Variants in RBM18 observed in about 807,000 individuals in gnomAD.
RBM18 encodes the protein probable RNA-binding protein 18.
In RBM18, 18 loss-of-function variants were observed where a neutral mutation model predicts 26.4. The ratio of observed to expected loss-of-function variants is 0.68; its 90% CI spans 0.47 to 1.01. The LOEUF (loss-of-function observed/expected upper bound fraction) is 1.01. Ranked by LOEUF, RBM18 falls within the 50% of genes least tolerant of loss-of-function variation. The pLI, the probability that RBM18 is intolerant of heterozygous loss-of-function variation, is 0.00. For missense variants in RBM18, 180 were observed against 219.2 expected, an observed-to-expected ratio of 0.82 and a Z score of 1.13; for synonymous variants, 74 against 81.1, an observed-to-expected ratio of 0.91 and a Z score of 0.47.
rs1480797498 is a variant in RBM18, at chr9:122,245,266, A to G, written c.403T>C (p.Ser135Pro). Residue 135 changes from serine to proline, a missense_variant, in exon 5 of 6, where the codon TCT becomes CCT. Ser to Pro is a moderately conservative substitution (Grantham distance 74). Transcript: ENST00000417201. ...EPSSSTEPTQ[S>P]NLSVTAKIKA... ...AGTACATCATCTTACCTTAGGTTAG[A>G]CTGAGTAGGCTCAGTGCTTGAGGAT... 2 of 1,596,290 alleles carry G rather than the reference A, an allele frequency of 1.3e-6. No individual in the cohort carries two copies. The highest frequency in any genetic ancestry group is 1.1e-5 in the South Asian group (1 of 90,632).
rs1249469761 is a variant in RBM18, at chr9:122,241,816, A to G, written c.*68T>C. ...TGAATAGTACCATTCACATCTACAAAGTACACAGGCAGACGATTTTAGGTG... is the reference window on the plus strand; with the variant it reads ...TGAATAGTACCATTCACATCTACAAGGTACACAGGCAGACGATTTTAGGTG... On this transcript the variant is annotated 3_prime_UTR_variant, in exon 6 of 6. Transcript: ENST00000417201. The G allele has an allele frequency of 2.2e-6, 3 of 1,384,202 alleles. No homozygotes were observed. Among genetic ancestry groups the G allele is most frequent in the East Asian group, 2.3e-5 (1 of 43,620 alleles). 85.7% of individuals were successfully genotyped at this position (1,384,202 alleles called of 1,614,324 possible).
At chr9:122,247,073 G>A (rs1026009781) in intron 4 of RBM18, among the ~76,000 whole-genome samples, 6 of 152,124 alleles carry the variant, frequency 3.9e-5, no homozygotes, top group Admixed American at 6.5e-5. Context: ...CTGGAGTAAG[G>A]AGATGCCAGT....
chr9:122,241,162 T>C lies in RBM18; in HGVS notation c.*722A>G, dbSNP rs1831409535. Reference sequence around the variant, plus strand: ...CATGGTTATTTAGATTTGAAAAAAATGGTTGCTATAGAATAAAAGTTCAAT... The same window carrying C: ...CATGGTTATTTAGATTTGAAAAAAACGGTTGCTATAGAATAAAAGTTCAAT... On this transcript the variant is annotated 3_prime_UTR_variant, in exon 6 of 6. Coordinates refer to ENST00000417201, the MANE Select transcript of RBM18 (RefSeq NM_033117.4). 1 of 152,190 alleles carries C rather than the reference T, an allele frequency of 6.6e-6. No individual in the cohort carries two copies. Among genetic ancestry groups the C allele is most frequent in the Admixed American group, 6.5e-5 (1 of 15,276 alleles). 9.4% of individuals were successfully genotyped at this position (152,190 alleles called of 1,614,324 possible). A position where few individuals can be genotyped will look rare whatever the true frequency, so the allele number is the denominator to read the frequency against.
At chr9:122,243,774 T>C (rs1302943998) in intron 5 of RBM18, 18 of 985,312 alleles carry the variant, frequency 1.8e-5, no homozygotes, top group Middle Eastern at 5.2e-4. Flanking sequence ...CTTCCATTAA[T>C]GCCACAGCTG....
rs1463221662 is a variant in RBM18, at chr9:122,241,868, C to T, written c.*16G>A. 2 of 1,609,914 alleles carry T rather than the reference C, an allele frequency of 1.2e-6. No homozygotes were observed. The highest frequency in any genetic ancestry group is 1.3e-5 in the African/African-American group (1 of 74,716). On this transcript the variant is annotated 3_prime_UTR_variant, in exon 6 of 6. Coordinates refer to ENST00000417201, the MANE Select transcript of RBM18 (RefSeq NM_033117.4). ...GGAGACCAATTTGCTTTTGCTGCTACAGTAATTCACAACCATCATCTTCGA... is the reference window on the plus strand; with the variant it reads ...GGAGACCAATTTGCTTTTGCTGCTATAGTAATTCACAACCATCATCTTCGA...
chr9:122,247,751 G>T, intron 3 of RBM18, 147 bp from the exon 4 acceptor site: 1 of 631,240 alleles, frequency 1.6e-6, no homozygotes, highest in Non-Finnish European at 2.8e-6. Flanking sequence ...AATTTTACAA[G>T]GCAGAATTTT....
chr9:122,242,650 T>C (rs1402592096), intron 5 of RBM18, among the ~76,000 whole-genome samples: 1 of 147,314 alleles, frequency 6.8e-6, no homozygotes, highest in Admixed American at 6.9e-5. Context: ...GCACAGTGCA[T>C]TTTACTTATA....
rs1657625115 is a variant in RBM18, at chr9:122,241,811, T to C, written c.*73A>G. 1 of 1,342,170 alleles carries C rather than the reference T, an allele frequency of 7.5e-7. No homozygotes were observed. Among genetic ancestry groups the C allele is most frequent in the Non-Finnish European group, 1.0e-6 (1 of 954,174 alleles). The allele number at this position is 1,342,170 out of a possible 1,614,324, so 83.1% of individuals were successfully genotyped here. On this transcript the variant is annotated 3_prime_UTR_variant, in exon 6 of 6. Coordinates refer to ENST00000417201, the MANE Select transcript of RBM18 (RefSeq NM_033117.4). ...TCCGTTGAATAGTACCATTCACATCTACAAAGTACACAGGCAGACGATTTT... is the reference window on the plus strand; with the variant it reads ...TCCGTTGAATAGTACCATTCACATCCACAAAGTACACAGGCAGACGATTTT...
chr9:122,246,857 C>T (rs1831513812), intron 4 of RBM18, among the ~76,000 whole-genome samples: 1 of 151,960 alleles, frequency 6.6e-6, no homozygotes, highest in Non-Finnish European at 1.5e-5. Flanking sequence ...TGGGAACGCT[C>T]CAGTCAACAC....
intron 1 of RBM18, among the ~76,000 whole-genome samples, chr9:122,263,401 G>A (rs1262547969): frequency 6.6e-6 from 1 of 152,168 alleles, no homozygotes; most frequent in Non-Finnish European, 1.5e-5. Context: ...TTTAATCCCA[G>A]GGGAGACACA....
At chr9:122,242,064 G>C in intron 5 of RBM18, 21 bp from the exon 6 acceptor site, 1 of 1,613,244 alleles carries the variant, frequency 6.2e-7, no homozygotes, top group Non-Finnish European at 8.5e-7. Context: ...AATAGCAGAG[G>C]ATCAGAGTGG....
chr9:122,241,880 A>C lies in RBM18; in HGVS notation c.*4T>G. 6.2e-7 allele frequency: 1 copy of C among 1,611,776 alleles called. No individual in the cohort carries two copies. The highest frequency in any genetic ancestry group is 8.5e-7 in the Non-Finnish European group (1 of 1,179,306). ...GCTTTTGCTGCTACAGTAATTCACA[A>C]CCATCATCTTCGAGATTTCCATGCT... On this transcript the variant is annotated 3_prime_UTR_variant, in exon 6 of 6. Coordinates refer to ENST00000417201, the MANE Select transcript of RBM18 (RefSeq NM_033117.4).
At chr9:122,252,833 C>G (rs1400581229) in intron 2 of RBM18, among the ~76,000 whole-genome samples, 3 of 152,224 alleles carry the variant, frequency 2.0e-5, no homozygotes, top group African/African-American at 7.2e-5. Context: ...CCTTCATCCT[C>G]TATTAAATTT....
intron 3 of RBM18, among the ~76,000 whole-genome samples, chr9:122,250,052 A>G (rs180763493): frequency 1.4e-3 from 94 of 65,750 alleles, no homozygotes; most frequent in African/African-American, 4.5e-3. Flanking sequence ...CCTGGGTAAC[A>G]GAGCAAGACC....
At chr9:122,242,979 G>A (rs1361727928) in intron 5 of RBM18, among the ~76,000 whole-genome samples, 1 of 151,970 alleles carries the variant, frequency 6.6e-6, no homozygotes, top group Non-Finnish European at 1.5e-5. Context: ...GGTAGCAAGC[G>A]CCACCACGCC....
intron 2 of RBM18, chr9:122,254,196 GA>G (rs909598910): frequency 3.4e-3 from 674 of 199,816 alleles, no homozygotes; most frequent in Non-Finnish European, 5.2e-3. Context: ...AATTTACTCA[GA>G]AAAAAAAAAA....
At chr9:122,245,465 CA>C in intron 4 of RBM18, 124 bp from the exon 5 acceptor site, 1 of 543,644 alleles carries the variant, frequency 1.8e-6, no homozygotes, top group Non-Finnish European at 3.3e-6. Flanking sequence ...ATTTTAGGAC[CA>C]CTTTACACTT....
Position 122,245,333 on chromosome 9 carries a change from A to T in RBM18, c.336T>A (p.Asp112Glu). 6.2e-7 allele frequency: 1 copy of T among 1,604,094 alleles called. No individual in the cohort carries two copies. Among genetic ancestry groups the T allele is most frequent in the South Asian group, 1.1e-5 (1 of 90,854 alleles). The change falls in exon 5 of 6, where the codon GAT becomes GAA. Residue 112 changes from aspartate to glutamate, a missense_variant. Transcript: ENST00000417201. ...RWAHAQVKRYDHNKNDKILPI... is the reference protein window; with the variant it reads ...RWAHAQVKRYEHNKNDKILPI... ...GAAGAATCTTATCATTCTTGTTATGATCATATCTCTGAAAATGAGAAATAG... is the reference window on the plus strand; with the variant it reads ...GAAGAATCTTATCATTCTTGTTATGTTCATATCTCTGAAAATGAGAAATAG...
rs867091740 is a variant in RBM18 at position 122,247,585 on chromosome 9, T to C, written c.260A>G (p.Gln87Arg). ...ETKQEAEQAI[Q>R]CLNGKLALSK... is the part of the protein sequence containing the mutation. ...CAGGGCCAACTTGCCATTGAGACACTGGATGGCTTGCTCTGCTTCCTGTCC... is the reference window on the plus strand; with the variant it reads ...CAGGGCCAACTTGCCATTGAGACACCGGATGGCTTGCTCTGCTTCCTGTCC... Residue 87 changes from glutamine (Q) to arginine (R), a missense_variant, in exon 4 of 6, where the codon CAG (glutamine) becomes CGG (arginine). Gln to Arg is a conservative substitution (Grantham distance 43, BLOSUM62 1). Around this residue, in one of 3 missense-constraint regions of RBM18, gnomAD observed 28 missense variants for 59.9 expected, o/e 0.47. Coordinates refer to ENST00000417201, the MANE Select transcript of RBM18 (RefSeq NM_033117.4). 1.2e-6 allele frequency: 2 copies of C among 1,613,930 alleles called. No individual in the cohort carries two copies. The highest frequency in any genetic ancestry group is 1.1e-5 in the South Asian group (1 of 91,076).
Sources: allele counts gnomAD v4.1 joint callset (sites outside exome capture counted in the v4.1 genomes callset), GRCh38; gene constraint gnomAD v4.1.1; regional missense constraint gnomAD v4.1.1; transcripts MANE v1.5; gene names NCBI Gene and HGNC (gene_info 2026-07-23, HGNC 2026-07-21).